Variants in CSPP1 observed in about 807,000 individuals in gnomAD.
CSPP1 encodes centrosome and spindle pole associated protein 1.
In CSPP1, 126 loss-of-function variants were observed where a neutral mutation model predicts 164.4. The observed-to-expected ratio is 0.77, with a 90% CI of 0.66 to 0.89. The LOEUF is 0.89. Ranked by LOEUF, CSPP1 falls within the 40% of genes least tolerant of loss-of-function variation. The probability of loss-of-function intolerance (pLI) is 0.00; values close to 1 mark genes in which losing one functional copy is unlikely to be tolerated. For synonymous variants in CSPP1, 472 were observed against 476.7 expected (o/e 0.99, Z 0.13); for missense variants, 1,395 against 1,449.8 (o/e 0.96, Z 0.61).
rs1827085123 is a variant in CSPP1, at chr8:67,158,439, T to C, written c.2242-8T>C. The C allele has an allele frequency of 6.4e-7, 1 of 1,570,196 alleles. No homozygotes were observed. Among genetic ancestry groups the C allele is most frequent in the African/African-American group, 1.4e-5 (1 of 72,424 alleles). The stretch of plus-strand genomic sequence containing the variant: ...TTACAAGATAAATAACTAAGTTTAA[T>C]TCTTTAGATTGAGGAAAAGAAACAA... On this transcript the variant is annotated splice_polypyrimidine_tract_variant and splice_region_variant and intron_variant, in intron 19 of 30. Coordinates refer to ENST00000678616, the MANE Select transcript of CSPP1 (RefSeq NM_001382391.1).
chr8:67,083,652 T>C (rs1258302445), intron 3 of CSPP1: 4 of 150,396 alleles, frequency 2.7e-5, no homozygotes, highest in East Asian at 1.9e-4. Flanking sequence ...CCAAGTAGAA[T>C]TGAAAAACAG....
intron 16 of CSPP1, chr8:67,133,617 T>G (rs1821683143): frequency 6.6e-6 from 1 of 152,284 alleles, no homozygotes; most frequent in African/African-American, 2.4e-5. Context: ...TGGCAGTTGC[T>G]GAAGATTGGG....
At chr8:67,181,504 G>A (rs1586805985) in intron 28 of CSPP1, among the ~76,000 whole-genome samples, 1 of 152,060 alleles carries the variant, frequency 6.6e-6, no homozygotes, top group South Asian at 2.1e-4. Flanking sequence ...CACTCAAGAT[G>A]GTGTGTTGGA....
intron 1 of CSPP1, among the ~76,000 whole-genome samples, chr8:67,072,874 A>G (rs975428280): frequency 3.7e-4 from 55 of 148,926 alleles, no homozygotes; most frequent in African/African-American, 1.3e-3. Context: ...TGTCTCAAAA[A>G]AAAAAAAAAA....
rs897361139 is a variant in CSPP1 at position 67,153,315 on chromosome 8, C to T, written c.2129-709C>T. ...CTTAAATTTAAATGTCATTTTTTCC[C>T]ATCTGCATTCAAAGAGACTCTAAGG... On this transcript the variant is annotated intron_variant, in intron 18 of 30. Coordinates refer to ENST00000678616, the MANE Select transcript of CSPP1 (RefSeq NM_001382391.1). 8.5e-5 allele frequency among the ~76,000 whole-genome samples: 13 copies of T among 152,128 alleles called. No homozygotes were observed. In the East Asian group the frequency reaches 2.5e-3, roughly 29 times the overall value.
intron 28 of CSPP1, among the ~76,000 whole-genome samples, chr8:67,187,791 A>G (rs761225087): frequency 1.3e-5 from 2 of 152,228 alleles, no homozygotes; most frequent in Non-Finnish European, 2.9e-5. Context: ...TGGAGAAAAG[A>G]TAGTCTTCTC....
chr8:67,110,324 A>G (rs1407873405), intron 9 of CSPP1, among the ~76,000 whole-genome samples: 3 of 152,082 alleles, frequency 2.0e-5, no homozygotes, highest in Non-Finnish European at 2.9e-5. Context: ...AAGCTTAGCT[A>G]AGGACCTCTA....
intron 15 of CSPP1, among the ~76,000 whole-genome samples, chr8:67,131,621 G>A (rs1821247703): frequency 6.6e-6 from 1 of 152,134 alleles, no homozygotes; most frequent in Non-Finnish European, 1.5e-5. Flanking sequence ...GAGGGACTTT[G>A]GCTGTGTTAT....
At chr8:67,088,506 T>C (rs1810895357) in intron 4 of CSPP1, among the ~76,000 whole-genome samples, 1 of 151,366 alleles carries the variant, frequency 6.6e-6, no homozygotes, top group Non-Finnish European at 1.5e-5. Context: ...GCCAGGCTGG[T>C]CTCAAACTCC....
intron 17 of CSPP1, among the ~76,000 whole-genome samples, chr8:67,148,450 C>T (rs1054288765): frequency 2.6e-5 from 4 of 152,190 alleles, no homozygotes; most frequent in African/African-American, 4.8e-5. Context: ...ACTTGGAGTG[C>T]TTTCTCACAT....
chr8:67,079,214 C>T (rs1409944445), intron 3 of CSPP1, among the ~76,000 whole-genome samples: 2 of 152,104 alleles, frequency 1.3e-5, no homozygotes, highest in African/African-American at 2.4e-5. Flanking sequence ...ATCTGTATCC[C>T]CAGTCCCAGG....
Position 67,154,076 on chromosome 8 carries a change from G to A in CSPP1, c.2181G>A (p.Glu727=). 6.2e-7 allele frequency: 1 copy of A among 1,606,670 alleles called. No homozygotes were observed. The highest frequency in any genetic ancestry group is 8.5e-7 in the Non-Finnish European group (1 of 1,174,114). Residue 727 remains glutamate, a synonymous_variant, in exon 19 of 31, where the codon GAG becomes GAA. Transcript: ENST00000678616. ...SPFARGNVFG[E]PPTELQIKQQ... ...TTGCTCGGGGAAATGTATTTGGTGA[G>A]CCTCCAACTGAACTTCAGATTAAAC...
rs1332710929 is a variant in CSPP1 at position 67,196,233 on chromosome 8, TATAA to T, written c.*647_*650del. ...ATTACATGATGTAACTACTTCTTGA[TATAA>T]ATAAATTTTTATTTTAATTACTAAA... On this transcript the variant is annotated 3_prime_UTR_variant, in exon 31 of 31. Coordinates refer to ENST00000678616, the MANE Select transcript of CSPP1 (RefSeq NM_001382391.1). The T allele has an allele frequency of 3.9e-5, 6 of 152,254 alleles. No individual in the cohort carries two copies. The highest frequency in any genetic ancestry group is 7.3e-5 in the Non-Finnish European group (5 of 68,054). The allele number at this position is 152,254 out of a possible 1,614,324, so 9.4% of individuals were successfully genotyped here.
Position 67,074,236 on chromosome 8 carries a change from T to G in CSPP1, c.-10-7T>G. On this transcript the variant is annotated splice_region_variant and splice_polypyrimidine_tract_variant and intron_variant, in intron 1 of 30. Coordinates refer to ENST00000678616, the MANE Select transcript of CSPP1 (RefSeq NM_001382391.1). ...ATAGATACGCTCACTGAAATTTTTT[T>G]TTAAAGAATCTGCAAAATGGCTGAT... 1 of 1,584,862 alleles carries G rather than the reference T, an allele frequency of 6.3e-7. No homozygotes were observed. Among genetic ancestry groups the G allele is most frequent in the Non-Finnish European group, 8.6e-7 (1 of 1,158,178 alleles).
chr8:67,065,779 T>C (rs1013361366), intron 1 of CSPP1, among the ~76,000 whole-genome samples: 1 of 152,192 alleles, frequency 6.6e-6, no homozygotes, highest in Non-Finnish European at 1.5e-5. Context: ...TCCGTTTGCC[T>C]CGGCTTCCCA....
intron 2 of CSPP1, among the ~76,000 whole-genome samples, chr8:67,075,415 A>G (rs1241162098): frequency 6.6e-6 from 1 of 152,192 alleles, no homozygotes; most frequent in East Asian, 1.9e-4. Context: ...CTTGGCTGAG[A>G]TGATAAATAA....
intron 9 of CSPP1, among the ~76,000 whole-genome samples, chr8:67,109,034 G>A (rs2129548441): frequency 6.6e-6 from 1 of 152,294 alleles, no homozygotes; most frequent in Non-Finnish European, 1.5e-5. Flanking sequence ...GTGAACATTT[G>A]AAAATTGCAT....
chr8:67,149,551 A>C, intron 17 of CSPP1, among the ~76,000 whole-genome samples: 1 of 152,314 alleles, frequency 6.6e-6, no homozygotes, highest in African/African-American at 2.4e-5. Flanking sequence ...TTAAAGATTT[A>C]TGTGTCCTTA....
chr8:67,089,547 A>G (rs916822976), intron 4 of CSPP1, among the ~76,000 whole-genome samples: 1 of 152,148 alleles, frequency 6.6e-6, no homozygotes, highest in Non-Finnish European at 1.5e-5. Flanking sequence ...TTTTTGTCAC[A>G]GTAATTATTA....
Sources: gnomAD v4.1 joint callset for allele counts (sites outside exome capture counted in the v4.1 genomes callset) on GRCh38, gnomAD v4.1.1 for gene constraint, MANE v1.5 for transcripts, NCBI Gene and HGNC (gene_info 2026-07-23, HGNC 2026-07-21) for gene names.